DNAI1: variants seen among roughly 807,000 people sequenced by gnomAD.
The protein encoded by DNAI1 is dynein axonemal intermediate chain 1.
A neutral mutation model predicts 92.0 loss-of-function variants in DNAI1; 67 were observed. The observed-to-expected ratio is 0.73, with a 90% CI of 0.60 to 0.89. The LOEUF (loss-of-function observed/expected upper bound fraction) is 0.89, where lower values mean the gene tolerates loss of function less well. Among genes scored for constraint, DNAI1 ranks in the 40% least tolerant of loss-of-function variants. The pLI is 0.00. For missense variants in DNAI1, 839 were observed against 866.6 expected (o/e 0.97, Z 0.40); for synonymous variants, 323 against 319.6 (o/e 1.01, Z -0.11).
intron 1 of DNAI1, among the ~76,000 whole-genome samples, chr9:34,466,157 A>C (rs1297058793): frequency 6.6e-6 from 1 of 151,982 alleles, no homozygotes; most frequent in Non-Finnish European, 1.5e-5. Context: ...AGTGATGGGA[A>C]GGTATGTACT....
At chr9:34,501,410 AAG>A (rs887044878) in intron 12 of DNAI1, among the ~76,000 whole-genome samples, 12 of 152,242 alleles carry the variant, frequency 7.9e-5, no homozygotes, top group African/African-American at 2.9e-4. Flanking sequence ...CTGGTGAAGA[AAG>A]AGGGGAAAAC....
At chr9:34,509,243 G>C (rs1395524794) in intron 13 of DNAI1, among the ~76,000 whole-genome samples, 1 of 152,176 alleles carries the variant, frequency 6.6e-6, no homozygotes, top group East Asian at 1.9e-4. Context: ...AGGGAGGAGA[G>C]AGAGTTAGTG....
In DNAI1 at chr9:34,515,333, A is replaced by G. The variant is rs140537373; in HGVS notation, c.1818+594A>G. 2.6e-3 allele frequency among the ~76,000 whole-genome samples: 396 copies of G among 152,346 alleles called. 1 individual carries two copies. Among genetic ancestry groups the G allele is most frequent in the African/African-American group, 9.0e-3 (375 of 41,568 alleles). ...AATGCAGCGATGAAGGCACCATTCT[A>G]AAGTCCGTCAGTCATCTCTTCCTGG... On this transcript the variant is annotated intron_variant, in intron 18 of 19. Coordinates refer to ENST00000242317, the MANE Select transcript of DNAI1 (RefSeq NM_012144.4).
At chr9:34,507,847 GT>G (rs1032773456) in intron 13 of DNAI1, among the ~76,000 whole-genome samples, 22 of 152,212 alleles carry the variant, frequency 1.4e-4, no homozygotes, top group African/African-American at 5.3e-4. Context: ...CATACCTAGA[GT>G]GGTGGGTGGG....
intron 12 of DNAI1, among the ~76,000 whole-genome samples, chr9:34,504,025 C>G (rs1824879612): frequency 6.6e-6 from 1 of 152,172 alleles, no homozygotes; most frequent in Non-Finnish European, 1.5e-5. Context: ...CATGGTCTTC[C>G]AGGCATGGAT....
rs75609335 is a variant in DNAI1 at position 34,512,587 on chromosome 9, G to C, written c.1489+163G>C. On this transcript the variant is annotated intron_variant, in intron 15 of 19. Transcript: ENST00000242317. ...GCCCGGCCCTGTCTGCTGAACCCTT[G>C]GCTGTTTGTAGACCCTCCCTGTTTA... Among the ~76,000 whole-genome samples, 3,589 of 152,276 alleles carry C rather than the reference G, an allele frequency of 0.024. 130 individuals carry two copies. The highest frequency in any genetic ancestry group is 0.078 in the African/African-American group (3,255 of 41,544).
chr9:34,513,032 G>C, intron 15 of DNAI1, 80 bp from the exon 16 acceptor site: 1 of 1,128,192 alleles, frequency 8.9e-7, no homozygotes, highest in Non-Finnish European at 1.4e-6. Context: ...CCTGGGCTGA[G>C]CTCCTCTGCT....
intron 1 of DNAI1, among the ~76,000 whole-genome samples, chr9:34,464,246 A>G (rs1823997775): frequency 1.3e-5 from 2 of 152,022 alleles, no homozygotes; most frequent in South Asian, 4.1e-4. Flanking sequence ...TCAAACTGTC[A>G]ATCTGATTGT....
intron 12 of DNAI1, among the ~76,000 whole-genome samples, chr9:34,503,273 C>G (rs368559083): frequency 8.5e-5 from 13 of 152,298 alleles, no homozygotes; most frequent in African/African-American, 3.1e-4. Context: ...GAGCTTGCCT[C>G]TGGGAGTCCC....
At chr9:34,492,481 T>G (rs1587072630) in intron 8 of DNAI1, among the ~76,000 whole-genome samples, 7 of 99,014 alleles carry the variant, frequency 7.1e-5, no homozygotes, top group African/African-American at 1.1e-4. Flanking sequence ...GGGGTGGGGG[T>G]GGGGATATGA....
intron 14 of DNAI1, 69 bp downstream of exon 14, chr9:34,512,267 A>G (rs1587089833): frequency 1.9e-6 from 3 of 1,609,916 alleles, no homozygotes; most frequent in Admixed American, 3.3e-5. Context: ...GCAAAGGGCA[A>G]CCCCCAGCCT....
At chr9:34,467,837 A>G (rs76922871) in intron 1 of DNAI1, among the ~76,000 whole-genome samples, 4 of 152,318 alleles carry the variant, frequency 2.6e-5, no homozygotes, top group Non-Finnish European at 5.9e-5. Flanking sequence ...TCCTGAGGGA[A>G]GGAAAACACT....
intron 12 of DNAI1, among the ~76,000 whole-genome samples, chr9:34,503,685 A>G (rs865827985): frequency 3.3e-5 from 5 of 152,116 alleles, no homozygotes; most frequent in Non-Finnish European, 7.4e-5. Context: ...GCAGGTAGAG[A>G]AAAGGAAATC....
At chr9:34,500,208 G>A (rs1393898675) in intron 10 of DNAI1, among the ~76,000 whole-genome samples, 7 of 152,216 alleles carry the variant, frequency 4.6e-5, no homozygotes, top group Non-Finnish European at 7.3e-5. Flanking sequence ...GGCAGGAGAT[G>A]AAGTTGGGTT....
intron 1 of DNAI1, among the ~76,000 whole-genome samples, chr9:34,461,088 C>T (rs946506730): frequency 2.0e-5 from 3 of 152,008 alleles, no homozygotes; most frequent in African/African-American, 4.8e-5. Flanking sequence ...GTGATCTGCC[C>T]GCCTCGGCCT....
At chr9:34,483,796 G>A (rs973270142) in intron 2 of DNAI1, among the ~76,000 whole-genome samples, 1 of 152,116 alleles carries the variant, frequency 6.6e-6, no homozygotes, top group Admixed American at 6.5e-5. Context: ...TATTTAGAGT[G>A]CCTTCCATTG....
intron 1 of DNAI1, among the ~76,000 whole-genome samples, chr9:34,471,169 G>T (rs149005757): frequency 1.2e-4 from 18 of 152,128 alleles, no homozygotes; most frequent in Non-Finnish European, 2.2e-4. Context: ...GCTCATGCCT[G>T]TAATCCCAGC....
In DNAI1 at chr9:34,483,571, A is replaced by G. The variant is rs73500812; in HGVS notation, c.81+91A>G. 4 of 1,253,766 alleles carry G rather than the reference A, an allele frequency of 3.2e-6. No individual in the cohort carries two copies. In the East Asian group the frequency reaches 7.6e-5, roughly 24 times the overall value. The allele number at this position is 1,253,766 out of a possible 1,614,324, so 77.7% of individuals were successfully genotyped here. On this transcript the variant is annotated intron_variant, in intron 2 of 19. Transcript: ENST00000242317. ...TATTTATGTGTTTTTAGAAAATGCAAATGAACTAAAAGAAGAATGTTAAAA... is the reference window on the plus strand; with the variant it reads ...TATTTATGTGTTTTTAGAAAATGCAGATGAACTAAAAGAAGAATGTTAAAA...
intron 3 of DNAI1, 47 bp downstream of exon 3, chr9:34,485,287 T>G: frequency 6.2e-7 from 1 of 1,611,796 alleles, no homozygotes; most frequent in African/African-American, 1.3e-5. Context: ...TCTTCCAGTT[T>G]CGGAGATGTG....
Sources: gnomAD v4.1 joint callset for allele counts (sites outside exome capture counted in the v4.1 genomes callset) on GRCh38, gnomAD v4.1.1 for gene constraint, MANE v1.5 for transcripts, NCBI Gene and HGNC (gene_info 2026-07-23, HGNC 2026-07-21) for gene names.